The following CCDC170 variants were observed in gnomAD, a reference collection of about 807,000 sequenced individuals.
CCDC170 encodes the protein coiled-coil domain containing 170.
A neutral mutation model predicts 72.6 loss-of-function variants in CCDC170; 69 were observed. The ratio of observed to expected loss-of-function variants is 0.95; its 90% confidence interval spans 0.78 to 1.16. The LOEUF is 1.16. Ranked by LOEUF, CCDC170 falls within the 50% of genes most tolerant of loss-of-function variation. CCDC170 has a pLI of 0.00. For missense variants in CCDC170, 852 were observed against 832.5 expected (o/e 1.02, Z -0.29); for synonymous variants, 300 against 303.9 (o/e 0.99, Z 0.13).
chr6:151,580,357 A>G (rs1048992084), intron 6 of CCDC170, among the ~76,000 whole-genome samples: 1 of 152,128 alleles, frequency 6.6e-6, no homozygotes, highest in Non-Finnish European at 1.5e-5. Flanking sequence ...CTATACTCCT[A>G]ATAATGCAAA....
chr6:151,557,693 C>T (rs538238197), intron 5 of CCDC170, among the ~76,000 whole-genome samples: 192 of 152,120 alleles, frequency 1.3e-3, no homozygotes, highest in Non-Finnish European at 4.6e-4. Flanking sequence ...TGTATCCTTG[C>T]GAGCATCTGT....
In CCDC170 at chr6:151,498,744, T is replaced by A. The variant is rs975452892; in HGVS notation, c.57+4559T>A. On this transcript the variant is annotated intron_variant, in intron 1 of 10. Transcript: ENST00000239374. ...GCACGGTGTATAAGTGGAATCAGAC[T>A]GTATTTCAGTATTCTAGGCACGCTG... Among the ~76,000 whole-genome samples the A allele has an allele frequency of 3.3e-5, 5 of 152,272 alleles. No homozygotes were observed. The East Asian group carries it at 9.7e-4, about 29-fold the overall frequency.
At chr6:151,613,893 T>C (rs1776915575) in intron 9 of CCDC170, among the ~76,000 whole-genome samples, 1 of 152,220 alleles carries the variant, frequency 6.6e-6, no homozygotes, top group Non-Finnish European at 1.5e-5. Context: ...AATTCTATGT[T>C]TAATATTTTA....
intron 9 of CCDC170, among the ~76,000 whole-genome samples, chr6:151,604,222 C>T (rs1237508657): frequency 6.6e-6 from 1 of 152,190 alleles, no homozygotes; most frequent in Non-Finnish European, 1.5e-5. Flanking sequence ...TTCCCCACTC[C>T]AGAACTTTCT....
At chr6:151,504,812 G>A (rs953102936) in intron 1 of CCDC170, among the ~76,000 whole-genome samples, 5 of 151,678 alleles carry the variant, frequency 3.3e-5, no homozygotes, top group South Asian at 2.1e-4. Flanking sequence ...GGCTGAGATC[G>A]CAGGAGGGCA....
chr6:151,511,142 A>G (rs1782143730), intron 1 of CCDC170, among the ~76,000 whole-genome samples: 1 of 152,190 alleles, frequency 6.6e-6, no homozygotes, highest in Admixed American at 6.5e-5. Flanking sequence ...TCGACTGTCT[A>G]CTACGCTTTC....
chr6:151,600,221 ATTACCGGTATCAGC>A lies in CCDC170; in HGVS notation c.1710+3646_1710+3659del, dbSNP rs554147904. ...CTTCTGAAATCAATTTCCAAGACAGATTACCGGTATCAGCTATCCACCATTGTACATTGCCTTAA... is the reference window on the plus strand; with the variant it reads ...CTTCTGAAATCAATTTCCAAGACAGATATCCACCATTGTACATTGCCTTAA... On this transcript the variant is annotated intron_variant, in intron 9 of 10. Transcript: ENST00000239374. Among the ~76,000 whole-genome samples, 20 of 152,328 alleles carry A rather than the reference ATTACCGGTATCAGC, an allele frequency of 1.3e-4. No homozygotes were observed. The South Asian group carries it at 3.3e-3, about 25-fold the overall frequency.
At chr6:151,561,371 T>C (rs892010192) in intron 5 of CCDC170, among the ~76,000 whole-genome samples, 4 of 152,170 alleles carry the variant, frequency 2.6e-5, no homozygotes, top group Non-Finnish European at 5.9e-5. Flanking sequence ...TTCATTTCCA[T>C]GTTTAGAACT....
chr6:151,547,012 T>C (rs60928529), intron 4 of CCDC170, among the ~76,000 whole-genome samples: 1,416 of 126,034 alleles, frequency 0.011, 33 homozygotes, highest in African/African-American at 0.041. Context: ...AAAAAAAAAA[T>C]TGGCCCAGAT....
chr6:151,526,131 C>T (rs1047918720), intron 1 of CCDC170, among the ~76,000 whole-genome samples: 3 of 150,726 alleles, frequency 2.0e-5, no homozygotes, highest in Admixed American at 6.6e-5. Context: ...TTCCTTCCTT[C>T]CTTCCCTCCC....
At chr6:151,560,958 C>A (rs1404440140) in intron 5 of CCDC170, among the ~76,000 whole-genome samples, 1 of 151,998 alleles carries the variant, frequency 6.6e-6, no homozygotes, top group East Asian at 1.9e-4. Flanking sequence ...CATTTATGGT[C>A]AAAGTTACTG....
chr6:151,618,968 T>G lies in CCDC170; in HGVS notation c.*821T>G, dbSNP rs1777015045. 8.6e-6 allele frequency: 1 copy of G among 115,758 alleles called. No individual in the cohort carries two copies. The highest frequency in any genetic ancestry group is 1.3e-4 in the Admixed American group (1 of 7,678). The allele number at this position is 115,758 out of a possible 1,614,324, so 7.2% of individuals were successfully genotyped here. ...GTGAGCCAAGATTGTGCCACTGCAC[T>G]CCAGCCTGGGCGACAGAGTGAAACT... On this transcript the variant is annotated 3_prime_UTR_variant, in exon 11 of 11. Coordinates refer to ENST00000239374, the MANE Select transcript of CCDC170 (RefSeq NM_025059.4).
chr6:151,555,680 G>A (rs7753676), intron 5 of CCDC170, among the ~76,000 whole-genome samples: 72,299 of 152,056 alleles, frequency 0.48, 19,052 homozygotes, highest in Non-Finnish European at 0.6. Context: ...CAGGATTAGA[G>A]TCTCTATAAT....
chr6:151,498,254 A>G (rs1240436884), intron 1 of CCDC170, among the ~76,000 whole-genome samples: 1 of 150,388 alleles, frequency 6.6e-6, no homozygotes, highest in South Asian at 2.1e-4. Flanking sequence ...AATTGTTATG[A>G]GAAGCAAATG....
chr6:151,598,517 C>T (rs181991484), intron 9 of CCDC170, among the ~76,000 whole-genome samples: 60 of 152,214 alleles, frequency 3.9e-4, no homozygotes, highest in Non-Finnish European at 2.8e-4. Context: ...CAGCTACAGC[C>T]GAGCCTTGAA....
intron 6 of CCDC170, among the ~76,000 whole-genome samples, chr6:151,584,589 T>A (rs191837969): frequency 2.6e-5 from 4 of 152,358 alleles, no homozygotes; most frequent in African/African-American, 9.6e-5. Context: ...GGTGGTGGGA[T>A]CACAGGGGAT....
chr6:151,579,464 T>C (rs1776351042), intron 6 of CCDC170, among the ~76,000 whole-genome samples: 1 of 152,218 alleles, frequency 6.6e-6, no homozygotes, highest in African/African-American at 2.4e-5. Context: ...TCTCAGCTGT[T>C]TTCTTCTCTC....
At chr6:151,520,576 T>A (rs1782301460) in intron 1 of CCDC170, among the ~76,000 whole-genome samples, 1 of 152,240 alleles carries the variant, frequency 6.6e-6, no homozygotes, top group African/African-American at 2.4e-5. Flanking sequence ...TTTGTAGTAC[T>A]AAGACATTAG....
Position 151,617,975 on chromosome 6 carries a change from A to AG in CCDC170, c.1977dup (p.Met660AspfsTer13), listed in dbSNP as rs756792128. 6.2e-7 allele frequency: 1 copy of AG among 1,613,840 alleles called. No individual in the cohort carries two copies. The highest frequency in any genetic ancestry group is 8.5e-7 in the Non-Finnish European group (1 of 1,179,900). On this transcript the variant is annotated frameshift_variant, in exon 11 of 11. Transcript: ENST00000239374. LOFTEE classifies it low-confidence loss of function (END_TRUNC). The stretch of plus-strand genomic sequence containing the variant: ...GCAGACTTCAGGGAGGTGGTGTCGC[A>AG]GATGCTAGGCTTGAACGTGACCAGC...
Sources: allele counts gnomAD v4.1 joint callset (sites outside exome capture counted in the v4.1 genomes callset), GRCh38; gene constraint gnomAD v4.1.1; transcripts MANE v1.5; gene names NCBI Gene and HGNC (gene_info 2026-07-23, HGNC 2026-07-21).